ALOX12B: variants seen among roughly 807,000 people sequenced by gnomAD.
ALOX12B encodes arachidonate 12-lipoxygenase, 12R type, also known as arachidonate 12-lipoxygenase, 12R-type.
In ALOX12B, 47 loss-of-function variants were observed where a neutral mutation model predicts 78.9. The ratio of observed to expected loss-of-function variants is 0.60; its 90% CI spans 0.47 to 0.76. The LOEUF (loss-of-function observed/expected upper bound fraction) is 0.76. Among genes scored for constraint, ALOX12B ranks in the 30% least tolerant of loss-of-function variants. The probability of loss-of-function intolerance (pLI) is 0.00; values close to 1 mark genes in which losing one functional copy is unlikely to be tolerated. For missense variants in ALOX12B, 805 were observed against 922.6 expected (o/e 0.87, Z 1.65); for synonymous variants, 370 against 374.5 (o/e 0.99, Z 0.14).
In ALOX12B at chr17:8,079,689, C is replaced by T. The variant is rs906611474; in HGVS notation, c.927+80G>A. The stretch of plus-strand genomic sequence containing the variant: ...CGGGCTTGCCTGGGACTGGCGCGGG[C>T]GCCGGAGGTGGGGAGAGACGGGGAT... On this transcript the variant is annotated intron_variant, in intron 7 of 14. Transcript: ENST00000647874. The surrounding 1 kb of genome is among the most constrained non-coding windows in gnomAD (Gnocchi z 6.4). 4 of 1,549,806 alleles carry T rather than the reference C, an allele frequency of 2.6e-6. No homozygotes were observed. Among genetic ancestry groups the T allele is most frequent in the Non-Finnish European group, 3.5e-6 (4 of 1,147,060 alleles).
Position 8,075,591 on chromosome 17 carries a change from A to T in ALOX12B, c.1654+4T>A, listed in dbSNP as rs1977061419. 6.2e-7 allele frequency: 1 copy of T among 1,613,910 alleles called. No homozygotes were observed. The highest frequency in any genetic ancestry group is 8.5e-7 in the Non-Finnish European group (1 of 1,180,006). On this transcript the variant is annotated splice_donor_region_variant and intron_variant, in intron 12 of 14. Coordinates refer to ENST00000647874, the MANE Select transcript of ALOX12B (RefSeq NM_001139.3). ...CCTGATTGCCCAGGTGTCCAGGCCC[A>T]TACCTGAGCTCTCCCGCCCCAGGAG...
At chr17:8,074,068 T>C (rs916622614) in intron 12 of ALOX12B, among the ~76,000 whole-genome samples, 12 of 152,314 alleles carry the variant, frequency 7.9e-5, no homozygotes, top group Non-Finnish European at 1.8e-4. Flanking sequence ...GACCTGGGGA[T>C]GTTGGGAGAG....
chr17:8,073,084 T>G (rs1318499673), intron 14 of ALOX12B, 64 bp downstream of exon 14: 1 of 1,610,590 alleles, frequency 6.2e-7, no homozygotes, highest in African/African-American at 1.3e-5. Context: ...CCGCTAGTTA[T>G]CCTCCCCCAT....
chr17:8,082,842 C>G (rs777357328), intron 2 of ALOX12B, among the ~76,000 whole-genome samples: 3 of 152,086 alleles, frequency 2.0e-5, no homozygotes, highest in Non-Finnish European at 4.4e-5. Flanking sequence ...GAGGCTGGTC[C>G]CCAACACCAG....
chr17:8,074,065 G>A (rs990828538), intron 12 of ALOX12B, among the ~76,000 whole-genome samples: 6 of 152,162 alleles, frequency 3.9e-5, no homozygotes, highest in African/African-American at 1.2e-4. Context: ...CCAGACCTGG[G>A]GATGTTGGGA....
chr17:8,084,423 G>A (rs1487285629), intron 2 of ALOX12B, among the ~76,000 whole-genome samples: 3 of 152,164 alleles, frequency 2.0e-5, no homozygotes, highest in African/African-American at 7.2e-5. Flanking sequence ...TCCCCAGGGC[G>A]GAAGACTCAC....
chr17:8,080,772 C>A lies in ALOX12B; in HGVS notation c.536G>T (p.Gly179Val), dbSNP rs1468964865. 3 of 1,614,154 alleles carry A rather than the reference C, an allele frequency of 1.9e-6. No homozygotes were observed. Among genetic ancestry groups the A allele is most frequent in the Non-Finnish European group, 2.5e-6 (3 of 1,180,020 alleles). Residue 179 changes from glycine to valine, a missense_variant, in exon 5 of 15, where the codon GGC becomes GTC. Gly to Val is a moderately radical substitution (Grantham distance 109). Transcript: ENST00000647874. The surrounding 1 kb of genome is among the most constrained non-coding windows in gnomAD (Gnocchi z 4.8). ...HRNPNRPEWN[G>V]YIPGFPILIN... ...GAGAATTGGGAATCCCGGAATATAG[C>A]CATTCCACCTGTGGGGAGAAGCGCA...
At position 8,080,815 on chromosome 17, in the gene ALOX12B, G is replaced by C. The variant is rs772446773; in HGVS notation, c.528-35C>G. The C allele has an allele frequency of 6.2e-7, 1 of 1,614,120 alleles. No homozygotes were observed. The highest frequency in any genetic ancestry group is 8.5e-7 in the Non-Finnish European group (1 of 1,180,000). ...GAAGCGCAGGGCAACTGGGATCCAGGGGGCGGGGAGGAGGCAGGCGCCCAG... is the reference window on the plus strand; with the variant it reads ...GAAGCGCAGGGCAACTGGGATCCAGCGGGCGGGGAGGAGGCAGGCGCCCAG... On this transcript the variant is annotated intron_variant, in intron 4 of 14. Coordinates refer to ENST00000647874, the MANE Select transcript of ALOX12B (RefSeq NM_001139.3). The surrounding 1 kb of genome is among the most constrained non-coding windows in gnomAD (Gnocchi z 4.8).
chr17:8,077,198 G>T lies in ALOX12B; in HGVS notation c.1072-5C>A. On this transcript the variant is annotated splice_polypyrimidine_tract_variant and splice_region_variant and intron_variant, in intron 8 of 14. Coordinates refer to ENST00000647874, the MANE Select transcript of ALOX12B (RefSeq NM_001139.3). ...TGGCCCAGGGGTCTGGCTGAGCTAG[G>T]TGTGGTGAAAGAGAAAGGGTTGGGT... The T allele has an allele frequency of 1.9e-6, 3 of 1,608,204 alleles. No individual in the cohort carries two copies. The highest frequency in any genetic ancestry group is 2.5e-6 in the Non-Finnish European group (3 of 1,177,436).
At chr17:8,085,984 CCA>C in intron 2 of ALOX12B, 30 bp downstream of exon 2, 1 of 1,611,920 alleles carries the variant, frequency 6.2e-7, no homozygotes. Context: ...GGCCTCACGG[CCA>C]TAGGATGGAG....
chr17:8,073,400 C>G (rs1977022210), intron 13 of ALOX12B, 82 bp from the exon 14 acceptor site: 2 of 1,580,922 alleles, frequency 1.3e-6, no homozygotes, highest in Non-Finnish European at 1.7e-6. Flanking sequence ...CACCCGCCCT[C>G]CAGTCGCTGA....
Position 8,080,564 on chromosome 17 carries a change from C to A in ALOX12B, c.650+94G>T. 1 of 1,593,324 alleles carries A rather than the reference C, an allele frequency of 6.3e-7. No homozygotes were observed. The highest frequency in any genetic ancestry group is 8.6e-7 in the Non-Finnish European group (1 of 1,165,574). On this transcript the variant is annotated intron_variant, in intron 5 of 14. Coordinates refer to ENST00000647874, the MANE Select transcript of ALOX12B (RefSeq NM_001139.3). The surrounding 1 kb of genome is among the most constrained non-coding windows in gnomAD (Gnocchi z 4.8). ...GCTCCCTCTGCCTTCCTGGCCATTC[C>A]AACCTCTGGGGCTGTCTTGGAGGCC... is the stretch of plus-strand genomic sequence containing the variant.
At position 8,076,172 on chromosome 17, in the gene ALOX12B, C is replaced by T; in HGVS notation, c.1532+3G>A. The stretch of plus-strand genomic sequence containing the variant: ...GAGCCACCCACTGCTGTCCTGAGCT[C>T]ACTTCTCCAGTGCATTCCACACCGC... On this transcript the variant is annotated splice_donor_region_variant and intron_variant, in intron 11 of 14. Coordinates refer to ENST00000647874, the MANE Select transcript of ALOX12B (RefSeq NM_001139.3). 6.2e-7 allele frequency: 1 copy of T among 1,614,026 alleles called. No homozygotes were observed. The highest frequency in any genetic ancestry group is 8.5e-7 in the Non-Finnish European group (1 of 1,180,012).
intron 12 of ALOX12B, among the ~76,000 whole-genome samples, chr17:8,074,913 C>T (rs556575733): frequency 1.3e-5 from 2 of 152,228 alleles, no homozygotes; most frequent in Non-Finnish European, 1.5e-5. Context: ...ACCTCTCCAT[C>T]CTGCAGATCT....
chr17:8,072,948 C>T lies in ALOX12B; in HGVS notation c.1929G>A (p.Arg643=), dbSNP rs775748631. ...WTLSREPDDR[R]PLGHFPDIHF... ...GAATGTCCGGGAAGTGTCCCAGGGG[C>T]CGCTGCGGGCAGAGAGCTCGACAGC... is the stretch of plus-strand genomic sequence containing the variant. The change falls in exon 15 of 15, where the codon CGG becomes CGA. Residue 643 remains arginine (R), a splice_region_variant and synonymous_variant. Transcript: ENST00000647874. 6.2e-7 allele frequency: 1 copy of T among 1,610,750 alleles called. No homozygotes were observed. The highest frequency in any genetic ancestry group is 1.1e-5 in the South Asian group (1 of 90,914).
chr17:8,073,522 G>T, intron 13 of ALOX12B, 135 bp downstream of exon 13: 2 of 1,061,388 alleles, frequency 1.9e-6, no homozygotes, highest in South Asian at 1.3e-5. Flanking sequence ...TTTCCGTTGG[G>T]ACTGGAGTTG....
rs1977104461 is a variant in ALOX12B, at chr17:8,077,138, C to T, written c.1127G>A (p.Trp376Ter). The change falls in exon 9 of 15, where the codon TGG becomes TAG. Residue 376 changes from tryptophan (W) to a stop codon, truncating the protein, a stop_gained. Transcript: ENST00000647874. LOFTEE classifies it high-confidence loss of function. ...CCACGTCTTGGCTAGCAGCCAGTCC[C>T]ACTCAGAATCACTGGGCAGGAAGAT... ...CPIFLPSDSE[W>*]DWLLAKTWVR... is the part of the protein sequence containing the mutation. 1 of 1,613,868 alleles carries T rather than the reference C, an allele frequency of 6.2e-7. No individual in the cohort carries two copies. Among genetic ancestry groups the T allele is most frequent in the Non-Finnish European group, 8.5e-7 (1 of 1,179,976 alleles).
intron 3 of ALOX12B, 52 bp downstream of exon 3, chr17:8,081,054 C>T: frequency 1.9e-6 from 3 of 1,612,660 alleles, no homozygotes; most frequent in Non-Finnish European, 2.5e-6. Context: ...CACTGCCCCC[C>T]ACCTCCCTGG....
chr17:8,086,094 G>C lies in ALOX12B; in HGVS notation c.274C>G (p.Pro92Ala). 1 of 1,614,116 alleles carries C rather than the reference G, an allele frequency of 6.2e-7. No individual in the cohort carries two copies. The change falls in exon 2 of 15, where the codon CCC becomes GCC. Residue 92 changes from proline (P) to alanine (A), a missense_variant. Transcript: ENST00000647874. ...GGGAAGTGGTAGATACGGCCGTTGGGGGCACAGATCTGCACATAGTTGCAG... is the reference window on the plus strand; with the variant it reads ...GGGAAGTGGTAGATACGGCCGTTGGCGGCACAGATCTGCACATAGTTGCAG... Reference protein sequence around the residue: ...WYCNYVQICAPNGRIYHFPAY... With the variant: ...WYCNYVQICAANGRIYHFPAY...
Sources: gnomAD v4.1 joint callset for allele counts (sites outside exome capture counted in the v4.1 genomes callset) on GRCh38, gnomAD v4.1.1 for gene constraint, Gnocchi (gnomAD v3.1) non-coding constraint, MANE v1.5 for transcripts, NCBI Gene and HGNC (gene_info 2026-07-23, HGNC 2026-07-21) for gene names.